Variants in DSCAM observed in about 807,000 individuals in gnomAD.
DSCAM encodes the protein DS cell adhesion molecule.
DSCAM carries 47 observed loss-of-function variants against 217.7 expected under a neutral mutation model. That is an observed-to-expected ratio of 0.22 (90% CI 0.17 to 0.28). The LOEUF (loss-of-function observed/expected upper bound fraction) is 0.28, where lower values mean the gene tolerates loss of function less well. DSCAM is among the 10% of genes least tolerant of loss of function. The probability of loss-of-function intolerance (pLI) is 1.00; values close to 1 mark genes in which losing one functional copy is unlikely to be tolerated. For synonymous variants in DSCAM, 1,056 were observed against 1,015.3 expected, an observed-to-expected ratio of 1.04 and a Z score of -0.76; for missense variants, 2,080 against 2,618.3, an observed-to-expected ratio of 0.79 and a Z score of 4.49.
At chr21:40,516,241 T>C (rs907487000) in intron 3 of DSCAM, among the ~76,000 whole-genome samples, 13 of 152,182 alleles carry the variant, frequency 8.5e-5, no homozygotes, top group Non-Finnish European at 1.9e-4. Context: ...CAAATGCTAA[T>C]TAATTCTAAC....
At chr21:40,444,121 TTGA>T in intron 3 of DSCAM, among the ~76,000 whole-genome samples, 1 of 152,286 alleles carries the variant, frequency 6.6e-6, no homozygotes, top group Admixed American at 6.5e-5. Context: ...TTTCTCAACT[TTGA>T]AATATTCTAA....
intron 1 of DSCAM, among the ~76,000 whole-genome samples, chr21:40,750,406 T>C (rs949468235): frequency 3.3e-5 from 5 of 152,162 alleles, no homozygotes; most frequent in Non-Finnish European, 7.3e-5. Context: ...TCTTGCTGCT[T>C]TTTCTAAGTC....
intron 2 of DSCAM, among the ~76,000 whole-genome samples, chr21:40,705,134 G>C (rs1348612769): frequency 6.6e-6 from 1 of 152,192 alleles, no homozygotes; most frequent in East Asian, 1.9e-4. Flanking sequence ...GTTGAGAGGA[G>C]GGCTCAGAGG....
Position 40,093,759 on chromosome 21 carries a change from T to A in DSCAM, c.3812A>T (p.Asn1271Ile), listed in dbSNP as rs776936491. ...CTCGACTGTGATGATTTCACTGCTG[T>A]TGCCTCTTCCGGCTGAAGTAACAGC... is the stretch of plus-strand genomic sequence containing the variant. ...VVAVTSAGRG[N>I]SSEIITVEPL... is the part of the protein sequence containing the mutation. The change falls in exon 21 of 33, where the codon AAC (asparagine) becomes ATC (isoleucine). Residue 1271 changes from asparagine (N) to isoleucine (I), a missense_variant. By Grantham distance (149) the Asn-to-Ile change is moderately radical. This residue lies in a region of DSCAM where 1,144 missense variants were observed against 1,421.1 expected (regional missense o/e 0.81). Transcript: ENST00000400454. 2 of 1,613,982 alleles carry A rather than the reference T, an allele frequency of 1.2e-6. No homozygotes were observed. The highest frequency in any genetic ancestry group is 1.7e-6 in the Non-Finnish European group (2 of 1,179,966).
chr21:40,081,695 G>A (rs1401841810), intron 24 of DSCAM, among the ~76,000 whole-genome samples: 2 of 152,092 alleles, frequency 1.3e-5, no homozygotes, highest in African/African-American at 4.8e-5. Context: ...CTAATCCTTG[G>A]TGATAGGCCT....
intron 3 of DSCAM, among the ~76,000 whole-genome samples, chr21:40,429,755 T>G (rs772999981): frequency 6.6e-6 from 1 of 152,250 alleles, no homozygotes; most frequent in Non-Finnish European, 1.5e-5. Context: ...CAGTAAGTAC[T>G]CATTAAGTGC....
At chr21:40,657,197 A>T (rs2090085915) in intron 3 of DSCAM, among the ~76,000 whole-genome samples, 1 of 152,190 alleles carries the variant, frequency 6.6e-6, no homozygotes, top group Non-Finnish European at 1.5e-5. Flanking sequence ...TGGGGTAGGT[A>T]AGGTTGCCTT....
chr21:40,316,122 T>C (rs2074193820), intron 8 of DSCAM, among the ~76,000 whole-genome samples: 1 of 152,084 alleles, frequency 6.6e-6, no homozygotes, highest in African/African-American at 2.4e-5. Context: ...AAAACATATC[T>C]ACCAAAAAAA....
At chr21:40,696,613 C>T (rs371199181) in intron 2 of DSCAM, among the ~76,000 whole-genome samples, 3 of 152,204 alleles carry the variant, frequency 2.0e-5, no homozygotes, top group Non-Finnish European at 2.9e-5. Context: ...TAGCAACCAG[C>T]GCGCAGATCT....
At chr21:40,415,492 AGATGCTGAG>A (rs1203753998) in intron 3 of DSCAM, among the ~76,000 whole-genome samples, 2 of 152,244 alleles carry the variant, frequency 1.3e-5, no homozygotes, top group Non-Finnish European at 2.9e-5. Context: ...TCACTGTGCA[AGATGCTGAG>A]GAGTGAGACC....
chr21:40,597,177 TTATTTCTAAGCCAGGTTGGCTATTAC>T (rs1331518776), intron 3 of DSCAM, among the ~76,000 whole-genome samples: 1 of 152,158 alleles, frequency 6.6e-6, no homozygotes, highest in Non-Finnish European at 1.5e-5. Flanking sequence ...TATTTAGCCG[TTATTTCTAAGCCAGGTTGGCTATTAC>T]TAGCTTCAAC....
intron 1 of DSCAM, among the ~76,000 whole-genome samples, chr21:40,812,963 C>T (rs2091851452): frequency 6.6e-6 from 1 of 152,160 alleles, no homozygotes; most frequent in Non-Finnish European, 1.5e-5. Context: ...ACGTATGTCA[C>T]TGGTGATCTT....
intron 32 of DSCAM, among the ~76,000 whole-genome samples, chr21:40,017,748 C>T (rs2088189061): frequency 6.6e-6 from 1 of 152,178 alleles, no homozygotes; most frequent in Non-Finnish European, 1.5e-5. Flanking sequence ...GACAGGGTTT[C>T]TCCATGTTGG....
intron 1 of DSCAM, among the ~76,000 whole-genome samples, chr21:40,761,049 A>G (rs2091328434): frequency 6.6e-6 from 1 of 152,170 alleles, no homozygotes; most frequent in Admixed American, 6.5e-5. Context: ...TTGAATTTCT[A>G]CCCTCACCTA....
intron 3 of DSCAM, among the ~76,000 whole-genome samples, chr21:40,479,756 A>G (rs2075966380): frequency 1.3e-5 from 2 of 152,208 alleles, no homozygotes; most frequent in African/African-American, 2.4e-5. Flanking sequence ...GTGGGGACAC[A>G]GCCAGACCAT....
intron 28 of DSCAM, 81 bp downstream of exon 28, chr21:40,062,788 T>A (rs569406885): frequency 2.2e-6 from 3 of 1,350,486 alleles, no homozygotes; most frequent in Non-Finnish European, 3.0e-6. Context: ...ACTGCCATTA[T>A]TAAAAAAATA....
chr21:40,136,753 T>C (rs1247961143), intron 18 of DSCAM, among the ~76,000 whole-genome samples: 2 of 151,974 alleles, frequency 1.3e-5, no homozygotes, highest in Admixed American at 6.6e-5. Flanking sequence ...TTTCACAATA[T>C]AGGAGAAAGC....
intron 1 of DSCAM, among the ~76,000 whole-genome samples, chr21:40,754,593 C>A (rs117102234): frequency 3.9e-4 from 60 of 152,318 alleles, no homozygotes; most frequent in Non-Finnish European, 7.9e-4. Flanking sequence ...ACATCACCAC[C>A]TCCGGCTGTC....
intron 21 of DSCAM, among the ~76,000 whole-genome samples, chr21:40,093,166 T>C (rs1389052482): frequency 6.6e-6 from 1 of 152,220 alleles, no homozygotes; most frequent in Non-Finnish European, 1.5e-5. Flanking sequence ...GAATACCCCG[T>C]GCCTGCGTGT....
Sources: gnomAD v4.1 joint callset for allele counts (sites outside exome capture counted in the v4.1 genomes callset) on GRCh38, gnomAD v4.1.1 for gene constraint, gnomAD v4.1.1 regional missense constraint, MANE v1.5 for transcripts, NCBI Gene and HGNC (gene_info 2026-07-23, HGNC 2026-07-21) for gene names.